CPVL: variants seen among roughly 807,000 people sequenced by gnomAD.
CPVL encodes probable serine carboxypeptidase CPVL.
CPVL carries 51 observed loss-of-function variants against 63.7 expected under a neutral mutation model. The ratio of observed to expected loss-of-function variants is 0.80; its 90% CI spans 0.64 to 1.01. CPVL has a LOEUF of 1.01. Among genes scored for constraint, CPVL ranks in the 50% least tolerant of loss-of-function variants. The pLI, the probability that CPVL is intolerant of heterozygous loss-of-function variation, is 0.00. For missense variants in CPVL, 530 were observed against 573.1 expected (o/e 0.92, Z 0.77); for synonymous variants, 195 against 206.0 (o/e 0.95, Z 0.46).
At chr7:29,038,015 T>C (rs1324375817) in intron 11 of CPVL, among the ~76,000 whole-genome samples, 1 of 152,226 alleles carries the variant, frequency 6.6e-6, no homozygotes, top group Non-Finnish European at 1.5e-5. Flanking sequence ...TTTTTATTGC[T>C]CTTTATCAAA....
intron 1 of CPVL, among the ~76,000 whole-genome samples, chr7:29,144,097 A>G (rs1792190484): frequency 6.6e-6 from 1 of 152,222 alleles, no homozygotes; most frequent in Non-Finnish European, 1.5e-5. Flanking sequence ...AAGTCAATAT[A>G]GACGTTAATG....
intron 9 of CPVL, among the ~76,000 whole-genome samples, chr7:29,066,846 G>C (rs1466416446): frequency 2.6e-5 from 4 of 152,334 alleles, no homozygotes; most frequent in African/African-American, 7.2e-5. Context: ...CAGCTGTGTG[G>C]AGACAAGCAC....
At chr7:29,113,389 C>G (rs1252121499) in intron 2 of CPVL, among the ~76,000 whole-genome samples, 4 of 151,982 alleles carry the variant, frequency 2.6e-5, no homozygotes. Flanking sequence ...CAGTGGTGGA[C>G]AGTGGGGAGA....
intron 1 of CPVL, among the ~76,000 whole-genome samples, chr7:29,134,444 C>T (rs2128661791): frequency 6.6e-6 from 1 of 152,208 alleles, no homozygotes; most frequent in South Asian, 2.1e-4. Flanking sequence ...AGCAAAGCCT[C>T]CAACTTGGTA....
At chr7:29,097,053 G>A (rs1247331973) in intron 3 of CPVL, among the ~76,000 whole-genome samples, 1 of 150,912 alleles carries the variant, frequency 6.6e-6, no homozygotes, top group Non-Finnish European at 1.5e-5. Flanking sequence ...CAACATGGTG[G>A]AAAAATGAGG....
At chr7:29,042,212 G>T (rs1259038453) in intron 11 of CPVL, among the ~76,000 whole-genome samples, 1 of 152,112 alleles carries the variant, frequency 6.6e-6, no homozygotes, top group African/African-American at 2.4e-5. Context: ...ATCATTACAG[G>T]GGAGCAGACA....
chr7:29,141,268 C>T (rs1250549373), intron 1 of CPVL, among the ~76,000 whole-genome samples: 3 of 152,190 alleles, frequency 2.0e-5, no homozygotes, highest in Non-Finnish European at 4.4e-5. Context: ...AGTATGCCCT[C>T]AGACCGGGCA....
chr7:28,995,857 A>G lies in CPVL; in HGVS notation c.1346T>C (p.Ile449Thr), dbSNP rs774205940. The change falls in exon 13 of 13, where the codon ATT becomes ACT. Residue 449 changes from isoleucine (I) to threonine (T), a missense_variant. Physicochemically the swap from Ile to Thr is moderately conservative, Grantham distance 89. Coordinates refer to ENST00000265394, the MANE Select transcript of CPVL (RefSeq NM_031311.5). ...HQVIIRGGGH[I>T]LPYDQPLRAF... ...TCTCAGAGGCTGGTCATAGGGTAAAATATGTCCTCCACCTCGAATAATTAC... is the reference window on the plus strand; with the variant it reads ...TCTCAGAGGCTGGTCATAGGGTAAAGTATGTCCTCCACCTCGAATAATTAC... 1.3e-6 allele frequency: 2 copies of G among 1,597,934 alleles called. No homozygotes were observed. The highest frequency in any genetic ancestry group is 2.3e-5 in the South Asian group (2 of 87,476).
upstream of CPVL, among the ~76,000 whole-genome samples, chr7:29,148,330 G>A (rs245883): frequency 0.45 from 68,199 of 152,048 alleles, 15,257 homozygotes; most frequent in South Asian, 0.53. Flanking sequence ...GAGGAGCCAT[G>A]CTGTAAGCAT....
At chr7:29,137,237 AAAGG>A (rs1562787606) in intron 1 of CPVL, among the ~76,000 whole-genome samples, 1 of 152,188 alleles carries the variant, frequency 6.6e-6, no homozygotes, top group Non-Finnish European at 1.5e-5. Flanking sequence ...AAAGAAAGAG[AAAGG>A]AGAACACTTC....
intron 3 of CPVL, among the ~76,000 whole-genome samples, chr7:29,112,117 G>T (rs1788294239): frequency 6.6e-6 from 1 of 152,164 alleles, no homozygotes; most frequent in African/African-American, 2.4e-5. Context: ...GGCCTTTCCT[G>T]CCAGAAGCCT....
At chr7:29,086,705 C>T (rs1051390169) in intron 6 of CPVL, among the ~76,000 whole-genome samples, 155 bp from the exon 7 acceptor site, 1 of 152,188 alleles carries the variant, frequency 6.6e-6, no homozygotes, top group African/African-American at 2.4e-5. Context: ...ATTTTATTTA[C>T]ACAATACATG....
At chr7:29,183,266 T>C (rs1276946766) in intron 4 of CPVL, among the ~76,000 whole-genome samples, 3 of 151,986 alleles carry the variant, frequency 2.0e-5, no homozygotes, top group African/African-American at 7.3e-5. Context: ...GTATTTTCAG[T>C]AGAGACAGGG....
In CPVL at chr7:29,130,677, A is replaced by T. The variant is rs115218598; in HGVS notation, c.-10-9606T>A. ...ATTGAGTTGCAAAGCTGGAATCTGA[A>T]GCCATATCTAGGTGATGTCAAAGTC... is the stretch of plus-strand genomic sequence containing the variant. On this transcript the variant is annotated intron_variant, in intron 1 of 12. Coordinates refer to ENST00000265394, the MANE Select transcript of CPVL (RefSeq NM_031311.5). 6.0e-3 allele frequency among the ~76,000 whole-genome samples: 913 copies of T among 152,314 alleles called. 11 individuals carry two copies. Among genetic ancestry groups the T allele is most frequent in the African/African-American group, 0.021 (877 of 41,578 alleles).
chr7:29,176,992 A>G lies in CPVL; in HGVS notation c.-11+4298T>C, dbSNP rs188032304. Among the ~76,000 whole-genome samples the G allele has an allele frequency of 2.8e-4, 42 of 152,330 alleles. 1 individual carries two copies. The highest frequency in any genetic ancestry group is 3.4e-3 in the Middle Eastern group (1 of 294). ...AAATACAGAGAAAATGGGAATGAAAAAAAATCATTTAATACAAAAGAAAGC... is the reference window on the plus strand; with the variant it reads ...AAATACAGAGAAAATGGGAATGAAAGAAAATCATTTAATACAAAAGAAAGC... On this transcript the variant is annotated intron_variant, in intron 5 of 16. Transcript: ENST00000409850.
chr7:29,150,800 G>C (rs928308117), upstream of CPVL, among the ~76,000 whole-genome samples: 2 of 152,104 alleles, frequency 1.3e-5, no homozygotes, highest in African/African-American at 4.8e-5. Flanking sequence ...GGGGCCACCG[G>C]GTAGCCTGGA....
intron 7 of CPVL, among the ~76,000 whole-genome samples, chr7:29,074,427 A>G (rs922759289): frequency 6.6e-6 from 1 of 152,222 alleles, no homozygotes; most frequent in Non-Finnish European, 1.5e-5. Flanking sequence ...CAATTTCTGT[A>G]AAATGACAAA....
At chr7:29,169,870 G>A (rs1304744495) in intron 5 of CPVL, among the ~76,000 whole-genome samples, 1 of 146,170 alleles carries the variant, frequency 6.8e-6, no homozygotes, top group Non-Finnish European at 1.5e-5. Context: ...ACGTGTGTGT[G>A]TGTGTGTGTG....
chr7:29,177,551 GCCCCCTCA>G (rs1562810154), intron 5 of CPVL, among the ~76,000 whole-genome samples: 3 of 148,602 alleles, frequency 2.0e-5, no homozygotes, highest in African/African-American at 7.5e-5. Flanking sequence ...ACCGTGCCTG[GCCCCCTCA>G]CTTTTTTTTT....
Sources: allele counts gnomAD v4.1 joint callset (sites outside exome capture counted in the v4.1 genomes callset), GRCh38; gene constraint gnomAD v4.1.1; transcripts MANE v1.5; gene names NCBI Gene and HGNC (gene_info 2026-07-23, HGNC 2026-07-21).